ATP9B: variants seen among roughly 807,000 people sequenced by gnomAD.
ATP9B encodes probable phospholipid-transporting ATPase IIB.
ATP9B carries 110 observed loss-of-function variants against 146.1 expected under a neutral mutation model. The observed-to-expected ratio is 0.75, with a 90% CI of 0.65 to 0.88. ATP9B has a LOEUF of 0.88. ATP9B is among the 40% of genes least tolerant of loss of function. ATP9B has a pLI of 0.00. For missense variants in ATP9B, 1,499 were observed against 1,496.4 expected (o/e 1.00, Z -0.03); for synonymous variants, 604 against 569.7 (o/e 1.06, Z -0.86).
At chr18:79,273,490 T>A (rs1214570393) in intron 12 of ATP9B, among the ~76,000 whole-genome samples, 1 of 152,242 alleles carries the variant, frequency 6.6e-6, no homozygotes, top group African/African-American at 2.4e-5. Context: ...TCGGTAAAAC[T>A]TCTGATTAAA....
chr18:79,307,383 A>G lies in ATP9B; in HGVS notation c.1773+149A>G, dbSNP rs1191251499. ...TTAGCTGTATGTGGAAAACTGCCCAACCTATTCCAGCATGTAGCCTCTGAC... is the reference window on the plus strand; with the variant it reads ...TTAGCTGTATGTGGAAAACTGCCCAGCCTATTCCAGCATGTAGCCTCTGAC... On this transcript the variant is annotated intron_variant, in intron 15 of 29. Coordinates refer to ENST00000426216, the MANE Select transcript of ATP9B (RefSeq NM_198531.5). The G allele has an allele frequency of 2.8e-5, 33 of 1,191,194 alleles. No homozygotes were observed. The East Asian group carries it at 7.9e-4, about 29-fold the overall frequency. The allele number at this position is 1,191,194 out of a possible 1,614,324, so 73.8% of individuals were successfully genotyped here. A position where few individuals can be genotyped will look rare whatever the true frequency, so the allele number is the denominator to read the frequency against.
At chr18:79,321,446 G>T (rs1345154578) in intron 15 of ATP9B, among the ~76,000 whole-genome samples, 1 of 150,612 alleles carries the variant, frequency 6.6e-6, no homozygotes, top group African/African-American at 2.4e-5. Flanking sequence ...GCGGTGGCAC[G>T]ATCTCAGCTC....
At chr18:79,374,246 C>T in intron 28 of ATP9B, 145 bp downstream of exon 28, 1 of 985,866 alleles carries the variant, frequency 1.0e-6, no homozygotes, top group Non-Finnish European at 1.5e-6. Context: ...ACTGTCCCTG[C>T]ACCACGGATG....
intron 11 of ATP9B, among the ~76,000 whole-genome samples, chr18:79,227,380 G>C (rs1478041476): frequency 7.5e-6 from 1 of 132,946 alleles, no homozygotes; most frequent in East Asian, 2.6e-4. Flanking sequence ...CCGCGTGTGT[G>C]TGTGAATTGC....
At chr18:79,181,409 A>T (rs911379247) in intron 8 of ATP9B, among the ~76,000 whole-genome samples, 4 of 151,920 alleles carry the variant, frequency 2.6e-5, no homozygotes, top group Admixed American at 6.6e-5. Flanking sequence ...TTCAGCCTTT[A>T]TTTTTCTTAT....
intron 1 of ATP9B, among the ~76,000 whole-genome samples, chr18:79,089,151 G>A (rs746601107): frequency 2.0e-4 from 31 of 151,952 alleles, no homozygotes; most frequent in Non-Finnish European, 4.1e-4. Flanking sequence ...CTACAAATTG[G>A]GTTCATTGTA....
chr18:79,246,315 C>CTG (rs1390268346), intron 11 of ATP9B, among the ~76,000 whole-genome samples: 5 of 131,962 alleles, frequency 3.8e-5, no homozygotes, highest in African/African-American at 1.2e-4. Flanking sequence ...GCCCTACTGA[C>CTG]TGAGGAGGGC....
At chr18:79,227,373 C>T (rs1040833736) in intron 11 of ATP9B, among the ~76,000 whole-genome samples, 25 of 119,890 alleles carry the variant, frequency 2.1e-4, no homozygotes, top group Non-Finnish European at 3.4e-4. Flanking sequence ...AGTCAGGCCG[C>T]GTGTGTGTGT....
At chr18:79,363,398 G>GTTCATGGATTGAGACACGTAAACAGATA (rs1245594497) in intron 26 of ATP9B, 2 of 152,214 alleles carry the variant, frequency 1.3e-5, no homozygotes, top group African/African-American at 4.8e-5. Context: ...GTAAACAGAT[G>GTTCATGGATTGAGACACGTAAACAGATA]TTCCTGGAAT....
intron 7 of ATP9B, among the ~76,000 whole-genome samples, chr18:79,171,808 A>G (rs913170145): frequency 4.0e-5 from 6 of 151,786 alleles, no homozygotes; most frequent in Admixed American, 3.9e-4. Flanking sequence ...ATTTGTCTTC[A>G]TTTCTATAAA....
At chr18:79,164,822 G>A (rs1027015021) in intron 7 of ATP9B, among the ~76,000 whole-genome samples, 15 of 152,194 alleles carry the variant, frequency 9.9e-5, no homozygotes, top group Non-Finnish European at 1.5e-4. Context: ...CATCAGCTAG[G>A]AGAGAAAAGC....
chr18:79,286,532 G>A lies in ATP9B; in HGVS notation c.1411+9336G>A, dbSNP rs370043316. On this transcript the variant is annotated intron_variant, in intron 13 of 29. Coordinates refer to ENST00000426216, the MANE Select transcript of ATP9B (RefSeq NM_198531.5). ...GGAGATTTTGGGCTGAGACGATGGG[G>A]TTTTCTAGATATACAATCATGTCAT... 2.2e-3 allele frequency among the ~76,000 whole-genome samples: 333 copies of A among 152,190 alleles called. 1 individual carries two copies. The highest frequency in any genetic ancestry group is 5.8e-3 in the South Asian group (28 of 4,822).
At chr18:79,337,946 G>C (rs939047887) in intron 19 of ATP9B, among the ~76,000 whole-genome samples, 5 of 152,160 alleles carry the variant, frequency 3.3e-5, no homozygotes, top group South Asian at 2.1e-4. Flanking sequence ...CCTCCTGCAG[G>C]GGTCTCTGTG....
intron 2 of ATP9B, among the ~76,000 whole-genome samples, chr18:79,110,065 G>C (rs1039993706): frequency 6.6e-6 from 1 of 152,152 alleles, no homozygotes; most frequent in Admixed American, 6.5e-5. Context: ...TCGACATATA[G>C]AGCATTGACT....
chr18:79,291,020 G>C (rs769642665), intron 13 of ATP9B, among the ~76,000 whole-genome samples: 1 of 152,172 alleles, frequency 6.6e-6, no homozygotes, highest in Non-Finnish European at 1.5e-5. Context: ...CTGTGTCTCA[G>C]AAACTGTCTA....
chr18:79,166,511 C>T (rs912666882), intron 7 of ATP9B, among the ~76,000 whole-genome samples: 30 of 152,192 alleles, frequency 2.0e-4, no homozygotes, highest in African/African-American at 6.5e-4. Context: ...TCACAGGCCT[C>T]CCTGTCAGCC....
In ATP9B at chr18:79,348,004, G is replaced by T. The variant is rs898145903; in HGVS notation, c.2838+79G>T. 6 of 1,600,696 alleles carry T rather than the reference G, an allele frequency of 3.7e-6. No homozygotes were observed. In the African/African-American group the frequency reaches 5.6e-5, roughly 15 times the overall value. ...GGTCCGGGAAGGGCAGGGTCCGGGA[G>T]TGGGGGTGCTGAGTGCTGCCGGAAG... On this transcript the variant is annotated intron_variant, in intron 24 of 29. Transcript: ENST00000426216.
chr18:79,255,641 C>G (rs1262692607), intron 12 of ATP9B, among the ~76,000 whole-genome samples: 5 of 152,246 alleles, frequency 3.3e-5, no homozygotes. Context: ...GATGGAGGAG[C>G]TGCTTCTGCT....
chr18:79,273,467 G>A (rs1190478820), intron 12 of ATP9B, among the ~76,000 whole-genome samples: 2 of 152,192 alleles, frequency 1.3e-5, no homozygotes, highest in African/African-American at 4.8e-5. Flanking sequence ...TGTAGGAAAA[G>A]ATGTTAATTT....
Sources: allele counts gnomAD v4.1 joint callset (sites outside exome capture counted in the v4.1 genomes callset), GRCh38; gene constraint gnomAD v4.1.1; transcripts MANE v1.5; gene names NCBI Gene and HGNC (gene_info 2026-07-23, HGNC 2026-07-21).